Variants in GFPT2 observed in about 807,000 individuals in gnomAD.
The protein encoded by GFPT2 is glutamine--fructose-6-phosphate transaminase 2, also known as glutamine--fructose-6-phosphate aminotransferase [isomerizing] 2.
GFPT2 carries 62 observed loss-of-function variants against 85.6 expected under a neutral mutation model. That is an observed-to-expected ratio of 0.72 (90% CI 0.59 to 0.90). The LOEUF is 0.90. GFPT2 is among the 40% of genes least tolerant of loss of function. The pLI, the probability that GFPT2 is intolerant of heterozygous loss-of-function variation, is 0.00. For synonymous variants in GFPT2, 368 were observed against 344.5 expected, an observed-to-expected ratio of 1.07 and a Z score of -0.75; for missense variants, 788 against 893.4, an observed-to-expected ratio of 0.88 and a Z score of 1.50.
At chr5:180,341,229 C>CAA (rs1182084565) in intron 1 of GFPT2, among the ~76,000 whole-genome samples, 1 of 152,184 alleles carries the variant, frequency 6.6e-6, no homozygotes, top group Non-Finnish European at 1.5e-5. Context: ...TTTATTTTCC[C>CAA]AACTATGTTT....
chr5:180,313,113 C>T (rs1465703489), intron 14 of GFPT2, among the ~76,000 whole-genome samples: 2 of 151,818 alleles, frequency 1.3e-5, no homozygotes, highest in African/African-American at 2.4e-5. Flanking sequence ...TTGCCCGGGG[C>T]GGTCTGGAAC....
chr5:180,313,108 C>T (rs75664354), intron 14 of GFPT2, among the ~76,000 whole-genome samples: 28,029 of 151,528 alleles, frequency 0.18, 2,826 homozygotes, highest in East Asian at 0.34. Flanking sequence ...CGGGGTTGCC[C>T]GGGGCGGTCT....
chr5:180,327,541 G>A (rs775042164), intron 7 of GFPT2, among the ~76,000 whole-genome samples: 2 of 152,160 alleles, frequency 1.3e-5, no homozygotes, highest in Admixed American at 6.5e-5. Flanking sequence ...CCGGGCACAG[G>A]GCATCACTAT....
chr5:180,304,629 C>T, intron 17 of GFPT2, 143 bp downstream of exon 17: 1 of 775,006 alleles, frequency 1.3e-6, no homozygotes, highest in Non-Finnish European at 2.2e-6. Context: ...GTGCACTCCC[C>T]ACAGGCGGCC....
chr5:180,330,743 T>C lies in GFPT2; in HGVS notation c.491A>G (p.Asp164Gly), dbSNP rs767495054. ...CTCGACCAACGTTGAAAACGTAATG[T>C]CCTCAGTTTCTCTGTTGTCGAACAC... ...KYVFDNRETE[D>G]ITFSTLVERV... Residue 164 changes from aspartate to glycine, a missense_variant, in exon 6 of 19, where the codon GAC becomes GGC. By Grantham distance (94) the Asp-to-Gly change is moderately conservative. Transcript: ENST00000253778. This position sits in a 1 kb window ranked among gnomAD's most constrained non-coding sequence, Gnocchi z 4.4. 3 of 1,613,128 alleles carry C rather than the reference T, an allele frequency of 1.9e-6. No homozygotes were observed. The highest frequency in any genetic ancestry group is 2.5e-6 in the Non-Finnish European group (3 of 1,179,026).
chr5:180,315,323 G>C (rs1404492042), intron 13 of GFPT2, among the ~76,000 whole-genome samples: 2 of 151,974 alleles, frequency 1.3e-5, no homozygotes, highest in South Asian at 2.1e-4. Flanking sequence ...GACTACAGGC[G>C]CCCGCCACCA....
chr5:180,353,004 C>G (rs374898350), intron 1 of GFPT2: 14 of 398,770 alleles, frequency 3.5e-5, no homozygotes, highest in East Asian at 2.0e-4. Flanking sequence ...GCATCCCCCA[C>G]CCACACCTCC....
At chr5:180,350,917 AAC>A (rs1429386740) in intron 1 of GFPT2, among the ~76,000 whole-genome samples, 6 of 152,188 alleles carry the variant, frequency 3.9e-5, no homozygotes, top group African/African-American at 4.8e-5. Flanking sequence ...CCCCTGAGGG[AAC>A]GGCCCAGGAG....
chr5:180,310,056 T>C (rs1479037095), intron 15 of GFPT2, among the ~76,000 whole-genome samples: 4 of 150,054 alleles, frequency 2.7e-5, no homozygotes, highest in African/African-American at 9.9e-5. Flanking sequence ...ATGATCTGCC[T>C]GCCTCGACCT....
chr5:180,316,013 C>G (rs1763999371), intron 13 of GFPT2, among the ~76,000 whole-genome samples: 2 of 152,202 alleles, frequency 1.3e-5, no homozygotes, highest in African/African-American at 4.8e-5. Flanking sequence ...CATAAATCAG[C>G]AAACATTTAT....
intron 1 of GFPT2, among the ~76,000 whole-genome samples, chr5:180,349,514 T>A (rs1422574): frequency 0.56 from 84,958 of 151,798 alleles, 24,045 homozygotes; most frequent in South Asian, 0.71. Flanking sequence ...AACTTGGGAA[T>A]CCCCTGAGGA....
chr5:180,341,232 CTA>C (rs1764509430), intron 1 of GFPT2, among the ~76,000 whole-genome samples: 1 of 152,178 alleles, frequency 6.6e-6, no homozygotes, highest in African/African-American at 2.4e-5. Flanking sequence ...ATTTTCCCAA[CTA>C]TGTTTTGCTG....
intron 12 of GFPT2, 45 bp from the exon 13 acceptor site, chr5:180,316,506 A>G: frequency 5.0e-6 from 8 of 1,611,142 alleles, no homozygotes; most frequent in Non-Finnish European, 6.8e-6. Context: ...AGTCACAGGC[A>G]CGACAGGGAC....
intron 9 of GFPT2, among the ~76,000 whole-genome samples, chr5:180,319,590 G>A (rs941744138): frequency 1.3e-5 from 2 of 152,182 alleles, no homozygotes; most frequent in African/African-American, 4.8e-5. Flanking sequence ...ACCATTCATG[G>A]CTGTTGAAAC....
chr5:180,329,751 C>A (rs1163068842), intron 6 of GFPT2, among the ~76,000 whole-genome samples: 2 of 152,230 alleles, frequency 1.3e-5, no homozygotes, highest in Admixed American at 6.5e-5. Context: ...GCTGCCACAG[C>A]CCTGGGGGAG....
At chr5:180,345,342 G>A (rs1238099683) in intron 1 of GFPT2, among the ~76,000 whole-genome samples, 1 of 152,272 alleles carries the variant, frequency 6.6e-6, no homozygotes, top group Non-Finnish European at 1.5e-5. Flanking sequence ...TGTACTAGGT[G>A]CTGCAAGCTA....
At chr5:180,331,394 C>A in intron 5 of GFPT2, 101 bp downstream of exon 5, 1 of 736,398 alleles carries the variant, frequency 1.4e-6, no homozygotes, top group Non-Finnish European at 2.4e-6. Flanking sequence ...GGGTCTCACT[C>A]AGTTCCCACA....
Position 180,331,560 on chromosome 5 carries a change from G to A in GFPT2, c.341-7C>T. The A allele has an allele frequency of 6.6e-7, 1 of 1,524,236 alleles. No homozygotes were observed. The highest frequency in any genetic ancestry group is 2.2e-5 in the East Asian group (1 of 44,472). The allele number at this position is 1,524,236 out of a possible 1,614,324, so 94.4% of individuals were successfully genotyped here. A position where few individuals can be genotyped will look rare whatever the true frequency, so the allele number is the denominator to read the frequency against. Reference sequence around the variant, plus strand: ...TTGTGGATGACAACAAATTCTGAAAGAAAAGTTAAGAGAGAAATGCTATTG... The same window carrying A: ...TTGTGGATGACAACAAATTCTGAAAAAAAAGTTAAGAGAGAAATGCTATTG... On this transcript the variant is annotated splice_region_variant and splice_polypyrimidine_tract_variant and intron_variant, in intron 4 of 18. Coordinates refer to ENST00000253778, the MANE Select transcript of GFPT2 (RefSeq NM_005110.4).
At chr5:180,347,613 G>T (rs1764634318) in intron 1 of GFPT2, among the ~76,000 whole-genome samples, 1 of 152,130 alleles carries the variant, frequency 6.6e-6, no homozygotes. Context: ...AGGCCCGAGA[G>T]ATCACACAGG....
Sources: gnomAD v4.1 joint callset for allele counts (sites outside exome capture counted in the v4.1 genomes callset) on GRCh38, gnomAD v4.1.1 for gene constraint, Gnocchi (gnomAD v3.1) non-coding constraint, MANE v1.5 for transcripts, NCBI Gene and HGNC (gene_info 2026-07-23, HGNC 2026-07-21) for gene names.